The following TTC27 variants were observed in gnomAD, a reference collection of about 807,000 sequenced individuals.
The protein encoded by TTC27 is tetratricopeptide repeat protein 27.
A neutral mutation model predicts 115.9 loss-of-function variants in TTC27; 79 were observed. The observed-to-expected ratio is 0.68, with a 90% CI of 0.57 to 0.82. The LOEUF is 0.82. Ranked by LOEUF, TTC27 falls within the 40% of genes least tolerant of loss-of-function variation. The pLI, the probability that TTC27 is intolerant of heterozygous loss-of-function variation, is 0.00. For missense variants in TTC27, 1,054 were observed against 993.1 expected (o/e 1.06, Z -0.82); for synonymous variants, 401 against 356.0 (o/e 1.13, Z -1.42).
chr2:32,717,804 G>A (rs879510792), intron 10 of TTC27, among the ~76,000 whole-genome samples: 1 of 151,956 alleles, frequency 6.6e-6, no homozygotes, highest in Non-Finnish European at 1.5e-5. Flanking sequence ...TTCTTGTTTT[G>A]AAATTTTTTA....
At chr2:32,810,709 A>C (rs1228298955) in intron 16 of TTC27, among the ~76,000 whole-genome samples, 1 of 152,192 alleles carries the variant, frequency 6.6e-6, no homozygotes, top group African/African-American at 2.4e-5. Flanking sequence ...ATGAAGCTAT[A>C]GGTGTGGATC....
chr2:32,718,100 T>C (rs1667810903), intron 10 of TTC27, among the ~76,000 whole-genome samples: 2 of 152,192 alleles, frequency 1.3e-5, no homozygotes, highest in South Asian at 4.1e-4. Context: ...GGATTATATA[T>C]TGGGTTATTT....
chr2:32,796,848 T>C (rs560538881), intron 16 of TTC27, among the ~76,000 whole-genome samples: 9 of 152,160 alleles, frequency 5.9e-5, no homozygotes, highest in African/African-American at 9.6e-5. Context: ...TCTGTGTATA[T>C]GGTCAAAGGA....
At chr2:32,793,240 T>G (rs941738124) in intron 16 of TTC27, among the ~76,000 whole-genome samples, 1 of 152,138 alleles carries the variant, frequency 6.6e-6, no homozygotes, top group Non-Finnish European at 1.5e-5. Context: ...GGCAGTGGAC[T>G]GATATATTCA....
intron 7 of TTC27, among the ~76,000 whole-genome samples, chr2:32,670,375 A>C (rs1444085088): frequency 6.6e-6 from 1 of 152,178 alleles, no homozygotes; most frequent in African/African-American, 2.4e-5. Context: ...GTGCCGCCAT[A>C]GTTCTTTGCA....
intron 10 of TTC27, among the ~76,000 whole-genome samples, chr2:32,718,936 C>A (rs1667836342): frequency 6.6e-6 from 1 of 152,202 alleles, no homozygotes; most frequent in South Asian, 2.1e-4. Context: ...TCCTTCTGAA[C>A]AGACATGTGA....
At chr2:32,765,249 G>C (rs988260307) in intron 13 of TTC27, among the ~76,000 whole-genome samples, 2 of 152,080 alleles carry the variant, frequency 1.3e-5, no homozygotes, top group African/African-American at 4.8e-5. Context: ...GCTGCGGAGT[G>C]GTTGTTGTGT....
rs779051913 is a variant in TTC27 at position 32,664,446 on chromosome 2, C to G, written c.784C>G (p.Gln262Glu). The G allele has an allele frequency of 1.2e-6, 2 of 1,602,392 alleles. No homozygotes were observed. Among genetic ancestry groups the G allele is most frequent in the Admixed American group, 1.8e-5 (1 of 56,198 alleles). ...GTTGGATATTGCTAAGGACATCAGC[C>G]AATTACAAATTGATTTGACAGGTAA... ...DQLDIAKDIS[Q>E]LQIDLTGALG... is the part of the protein sequence containing the mutation. Residue 262 changes from glutamine (Q) to glutamate (E), a missense_variant, in exon 6 of 20, where the codon CAA becomes GAA. Gln to Glu is a conservative substitution (Grantham distance 29). Coordinates refer to ENST00000317907, the MANE Select transcript of TTC27 (RefSeq NM_017735.5).
chr2:32,628,153 T>G lies in TTC27; in HGVS notation c.-140T>G. On this transcript the variant is annotated 5_prime_UTR_variant, in exon 1 of 20. Transcript: ENST00000317907. ...CTTGAGGTAGTATCCGCACATGGAA[T>G]TCTAGGGCCGCAGGTGTATTTACGG... 1.3e-6 allele frequency: 1 copy of G among 769,392 alleles called. No homozygotes were observed. 47.7% of individuals were successfully genotyped at this position (769,392 alleles called of 1,614,324 possible).
intron 19 of TTC27, among the ~76,000 whole-genome samples, chr2:32,818,167 T>G (rs1472438787): frequency 2.0e-5 from 3 of 152,184 alleles, no homozygotes; most frequent in Non-Finnish European, 4.4e-5. Flanking sequence ...TCCCCCAAAG[T>G]GTGGCATATA....
rs570400007 is a variant in TTC27 at position 32,786,523 on chromosome 2, A to T, written c.1833-461A>T. 4.6e-5 allele frequency among the ~76,000 whole-genome samples: 7 copies of T among 151,924 alleles called. No individual in the cohort carries two copies. The South Asian group carries it at 1.5e-3, about 32-fold the overall frequency. On this transcript the variant is annotated intron_variant, in intron 15 of 19. Transcript: ENST00000317907. ...AGGTTTTTTTCTCACAGGGTGTAGAATTTTGGTTTGCAGCATTTTGGTTGC... is the reference window on the plus strand; with the variant it reads ...AGGTTTTTTTCTCACAGGGTGTAGATTTTTGGTTTGCAGCATTTTGGTTGC...
At chr2:32,646,180 C>G (rs1192287926) in intron 4 of TTC27, among the ~76,000 whole-genome samples, 3 of 152,106 alleles carry the variant, frequency 2.0e-5, no homozygotes, top group East Asian at 1.9e-4. Context: ...AGGCGCCCAC[C>G]ACCATGTGCA....
At chr2:32,676,208 C>T (rs371882215) in intron 8 of TTC27, among the ~76,000 whole-genome samples, 3 of 151,860 alleles carry the variant, frequency 2.0e-5, no homozygotes, top group African/African-American at 4.8e-5. Flanking sequence ...TTTTACCTGA[C>T]GACCAAATGC....
intron 9 of TTC27, among the ~76,000 whole-genome samples, chr2:32,685,213 A>G (rs1376022589): frequency 6.6e-6 from 1 of 151,710 alleles, no homozygotes; most frequent in Non-Finnish European, 1.5e-5. Context: ...TGTTTTTAGT[A>G]CAGATGGGGT....
In TTC27 at chr2:32,817,510, C is replaced by T. The variant is rs1362100433; in HGVS notation, c.2362C>T (p.Leu788Phe). 7 of 1,613,980 alleles carry T rather than the reference C, an allele frequency of 4.3e-6. No homozygotes were observed. ...CAGTTCCCAAGAAGCTGTACAAATG[C>T]TTTCTTCTGTTCGACTCAATTTACG... Reference protein sequence around the residue: ...KSSSQEAVQMLSSVRLNLRGL... With the variant: ...KSSSQEAVQMFSSVRLNLRGL... The change falls in exon 19 of 20, where the codon CTT becomes TTT. Residue 788 changes from leucine to phenylalanine, a missense_variant. Coordinates refer to ENST00000317907, the MANE Select transcript of TTC27 (RefSeq NM_017735.5).
At chr2:32,754,803 GCGGC>G (rs1669150036) in intron 12 of TTC27, among the ~76,000 whole-genome samples, 1 of 138,400 alleles carries the variant, frequency 7.2e-6, no homozygotes, top group African/African-American at 2.6e-5. Context: ...CCCGGACGGG[GCGGC>G]TGGCTGGGCG....
chr2:32,745,125 G>C (rs1668777200), intron 12 of TTC27, among the ~76,000 whole-genome samples: 1 of 144,164 alleles, frequency 6.9e-6, no homozygotes, highest in Non-Finnish European at 1.5e-5. Context: ...GAAGTCTATA[G>C]ACTAGATTAT....
intron 5 of TTC27, among the ~76,000 whole-genome samples, chr2:32,661,958 T>C (rs1471054450): frequency 7.2e-5 from 11 of 152,196 alleles, no homozygotes; most frequent in Admixed American, 5.9e-4. Context: ...ACCTAGTTTA[T>C]TGAGAGTTTT....
chr2:32,692,236 A>G (rs1666843565), intron 9 of TTC27, among the ~76,000 whole-genome samples: 1 of 151,580 alleles, frequency 6.6e-6, no homozygotes, highest in African/African-American at 2.4e-5. Context: ...TTTCAAACCC[A>G]TTTTGATTTT....
Sources: allele counts gnomAD v4.1 joint callset (sites outside exome capture counted in the v4.1 genomes callset), GRCh38; gene constraint gnomAD v4.1.1; transcripts MANE v1.5; gene names NCBI Gene and HGNC (gene_info 2026-07-23, HGNC 2026-07-21).